The following ZNF521 variants were observed in gnomAD, a reference collection of about 807,000 sequenced individuals.
ZNF521 encodes the protein zinc finger protein 521.
ZNF521 carries 14 observed loss-of-function variants against 105.5 expected under a neutral mutation model. That is an observed-to-expected ratio of 0.13 (90% CI 0.09 to 0.21). The LOEUF is 0.21. Among genes scored for constraint, ZNF521 ranks in the 10% least tolerant of loss-of-function variants. ZNF521 has a pLI of 1.00. For synonymous variants in ZNF521, 635 were observed against 606.0 expected (o/e 1.05, Z -0.70); for missense variants, 1,233 against 1,629.7 (o/e 0.76, Z 4.19).
chr18:25,308,577 C>T (rs1912114176), intron 3 of ZNF521, among the ~76,000 whole-genome samples: 1 of 151,672 alleles, frequency 6.6e-6, no homozygotes, highest in Admixed American at 6.6e-5. Flanking sequence ...GCCTGGCTAA[C>T]TCTTGCTCAT....
chr18:25,308,355 T>C (rs1257532880), intron 3 of ZNF521, among the ~76,000 whole-genome samples: 1 of 152,128 alleles, frequency 6.6e-6, no homozygotes, highest in Non-Finnish European at 1.5e-5. Context: ...TATAGAAACT[T>C]TGAGAAAATA....
intron 3 of ZNF521, among the ~76,000 whole-genome samples, chr18:25,291,414 T>C (rs1911012174): frequency 6.6e-6 from 1 of 152,234 alleles, no homozygotes; most frequent in Admixed American, 6.5e-5. Flanking sequence ...GCCATCTTAT[T>C]TGACAATATC....
intron 2 of ZNF521, among the ~76,000 whole-genome samples, chr18:25,336,541 C>T (rs761165451): frequency 6.6e-6 from 1 of 152,210 alleles, no homozygotes; most frequent in Non-Finnish European, 1.5e-5. Context: ...TCACTTTATG[C>T]TTCCATTATC....
intron 3 of ZNF521, among the ~76,000 whole-genome samples, chr18:25,262,333 T>C (rs1366473296): frequency 1.3e-5 from 2 of 152,242 alleles, no homozygotes; most frequent in East Asian, 3.8e-4. Context: ...TAGTACTCTT[T>C]TATAGAAATT....
chr18:25,242,496 A>AT (rs368519679), intron 3 of ZNF521, among the ~76,000 whole-genome samples: 170 of 151,702 alleles, frequency 1.1e-3, no homozygotes, highest in African/African-American at 3.7e-3. Flanking sequence ...CATCCTATAT[A>AT]TTTTTTTTGC....
chr18:25,206,763 G>C (rs1032391031), intron 4 of ZNF521, among the ~76,000 whole-genome samples: 14 of 151,984 alleles, frequency 9.2e-5, no homozygotes, highest in African/African-American at 3.4e-4. Flanking sequence ...TCCTACTGAG[G>C]CATGTCAGAC....
intron 3 of ZNF521, among the ~76,000 whole-genome samples, chr18:25,260,104 A>G (rs563693424): frequency 2.0e-5 from 3 of 152,342 alleles, no homozygotes; most frequent in East Asian, 1.9e-4. Context: ...AGAGCTTTTG[A>G]GCATGAACTG....
intron 4 of ZNF521, among the ~76,000 whole-genome samples, chr18:25,211,882 T>C (rs1053141558): frequency 2.0e-5 from 3 of 152,366 alleles, no homozygotes; most frequent in Non-Finnish European, 4.4e-5. Flanking sequence ...CACTAATTTT[T>C]ATACATGTCA....
chr18:25,067,040 G>A (rs1338163342), intron 7 of ZNF521, among the ~76,000 whole-genome samples: 1 of 152,184 alleles, frequency 6.6e-6, no homozygotes, highest in Non-Finnish European at 1.5e-5. Flanking sequence ...AGAAAAGGAA[G>A]TAGGAAGAGA....
intron 1 of ZNF521, 123 bp downstream of exon 1, chr18:25,351,882 C>CGGT (rs1914802292): frequency 2.2e-5 from 6 of 273,866 alleles, no homozygotes; most frequent in South Asian, 3.2e-5. Context: ...TCGGCAGCGG[C>CGGT]GGCGGCAGCA....
chr18:25,206,324 C>A lies in ZNF521; in HGVS notation c.3574-11080G>T, dbSNP rs921180893. On this transcript the variant is annotated intron_variant, in intron 4 of 7. Coordinates refer to ENST00000361524, the MANE Select transcript of ZNF521 (RefSeq NM_015461.3). ...CCACCGCGCCCGGCCCATTTTGTAT[C>A]TACTGCAATACATAATTAGTTACAC... Among the ~76,000 whole-genome samples the A allele has an allele frequency of 2.0e-5, 3 of 152,040 alleles. No homozygotes were observed. The East Asian group carries it at 5.8e-4, about 29-fold the overall frequency.
intron 7 of ZNF521, among the ~76,000 whole-genome samples, chr18:25,086,818 A>T (rs531140179): frequency 2.0e-4 from 30 of 152,282 alleles, no homozygotes; most frequent in African/African-American, 7.0e-4. Flanking sequence ...GTTTTGGTAG[A>T]TGTTTGACTA....
intron 3 of ZNF521, among the ~76,000 whole-genome samples, chr18:25,281,954 T>C (rs4350646): frequency 0.49 from 73,928 of 151,956 alleles, 20,226 homozygotes; most frequent in African/African-American, 0.75. Flanking sequence ...AATCCTCTCA[T>C]ATTCTAGGCA....
At chr18:25,083,858 C>T (rs1172074082) in intron 7 of ZNF521, among the ~76,000 whole-genome samples, 1 of 151,558 alleles carries the variant, frequency 6.6e-6, no homozygotes, top group African/African-American at 2.4e-5. Context: ...CAGCCTCAAC[C>T]TCCCCAGGTT....
chr18:25,172,774 T>C (rs1034736513), intron 5 of ZNF521, among the ~76,000 whole-genome samples: 5 of 152,152 alleles, frequency 3.3e-5, no homozygotes, highest in Non-Finnish European at 7.4e-5. Context: ...CATACCCCGT[T>C]GACTCCTAAA....
At chr18:25,144,444 A>G (rs1382165313) in intron 5 of ZNF521, among the ~76,000 whole-genome samples, 1 of 152,178 alleles carries the variant, frequency 6.6e-6, no homozygotes, top group South Asian at 2.1e-4. Flanking sequence ...TGATGAATCT[A>G]TCTTAGAGTA....
chr18:25,223,311 A>G (rs935825166), intron 4 of ZNF521, among the ~76,000 whole-genome samples: 2 of 152,198 alleles, frequency 1.3e-5, no homozygotes, highest in African/African-American at 4.8e-5. Flanking sequence ...CAGATGCCAC[A>G]TTTTGTGAGG....
At chr18:25,338,650 G>A (rs901175297) in intron 2 of ZNF521, among the ~76,000 whole-genome samples, 1 of 152,084 alleles carries the variant, frequency 6.6e-6, no homozygotes, top group African/African-American at 2.4e-5. Flanking sequence ...GAGCTCAGGC[G>A]ATCCCCCCGC....
intron 7 of ZNF521, among the ~76,000 whole-genome samples, chr18:25,074,644 C>T (rs1018688187): frequency 6.6e-6 from 1 of 152,132 alleles, no homozygotes; most frequent in African/African-American, 2.4e-5. Flanking sequence ...TTCTTGTCCA[C>T]GATTTCCCAT....
Sources: gnomAD v4.1 joint callset for allele counts (sites outside exome capture counted in the v4.1 genomes callset) on GRCh38, gnomAD v4.1.1 for gene constraint, MANE v1.5 for transcripts, NCBI Gene and HGNC (gene_info 2026-07-23, HGNC 2026-07-21) for gene names.